SHOC1: variants seen among roughly 807,000 people sequenced by gnomAD.
SHOC1 encodes the protein protein shortage in chiasmata 1 ortholog.
A neutral mutation model predicts 179.2 loss-of-function variants in SHOC1; 136 were observed. That is an observed-to-expected ratio of 0.76 (90% CI 0.66 to 0.87). SHOC1 has a LOEUF of 0.87. SHOC1 is among the 40% of genes least tolerant of loss of function. The pLI is 0.00. For synonymous variants in SHOC1, 489 were observed against 586.6 expected (o/e 0.83, Z 2.41); for missense variants, 1,538 against 1,700.8 (o/e 0.90, Z 1.68).
intron 12 of SHOC1, among the ~76,000 whole-genome samples, chr9:111,735,582 A>G (rs751512459): frequency 1.2e-4 from 19 of 152,144 alleles, no homozygotes; most frequent in African/African-American, 1.7e-4. Flanking sequence ...TATCCAGTCT[A>G]TCATTGATGG....
intron 4 of SHOC1, among the ~76,000 whole-genome samples, chr9:111,779,098 C>CAA (rs1186097509): frequency 3.7e-5 from 4 of 109,428 alleles, no homozygotes; most frequent in Non-Finnish European, 3.8e-5. Flanking sequence ...GACTCTGTGT[C>CAA]AAAAAAAAAA....
At chr9:111,767,438 T>G (rs1198349302) in intron 5 of SHOC1, among the ~76,000 whole-genome samples, 1 of 152,210 alleles carries the variant, frequency 6.6e-6, no homozygotes, top group African/African-American at 2.4e-5. Flanking sequence ...CACCATTTAT[T>G]GAAGACTATC....
chr9:111,745,407 A>G (rs1185409959), intron 10 of SHOC1, among the ~76,000 whole-genome samples: 1 of 152,202 alleles, frequency 6.6e-6, no homozygotes, highest in East Asian at 1.9e-4. Context: ...CTAACCACTT[A>G]TTATGGGCTG....
intron 16 of SHOC1, among the ~76,000 whole-genome samples, chr9:111,717,850 A>C (rs1589401688): frequency 1.3e-5 from 2 of 152,326 alleles, no homozygotes; most frequent in East Asian, 3.9e-4. Context: ...ACAAAAATGC[A>C]ATGAGGACCC....
At chr9:111,719,101 C>A (rs1029757385) in intron 15 of SHOC1, among the ~76,000 whole-genome samples, 1 of 152,032 alleles carries the variant, frequency 6.6e-6, no homozygotes, top group African/African-American at 2.4e-5. Context: ...GTATATTCAG[C>A]CCCTAGAAGG....
chr9:111,786,034 T>C lies in SHOC1; in HGVS notation c.47A>G (p.Asn16Ser), dbSNP rs1836248083. Residue 16 changes from asparagine (N) to serine (S), a missense_variant and splice_region_variant, in exon 3 of 28, where the codon AAT (asparagine) becomes AGT (serine). Physicochemically the swap from Asn to Ser is conservative, Grantham distance 46. Coordinates refer to ENST00000682961, the MANE Select transcript of SHOC1 (RefSeq NM_001378211.1). ...TCTGTAAAACTTCTTTCTAACCACA[T>C]TCTGTGGAAGAAAGAAAGATTAGAA... ...KYHAIDYLYE[N>S]VVRKKFYRDA... The C allele has an allele frequency of 2.0e-6, 3 of 1,482,838 alleles. No homozygotes were observed. The African/African-American group carries it at 4.3e-5, about 21-fold the overall frequency. 91.9% of individuals were successfully genotyped at this position (1,482,838 alleles called of 1,614,324 possible).
chr9:111,784,641 C>T (rs377610329), intron 3 of SHOC1, among the ~76,000 whole-genome samples: 2 of 152,146 alleles, frequency 1.3e-5, no homozygotes, highest in South Asian at 4.1e-4. Context: ...CCACAATTGT[C>T]TTAGTCAGTC....
chr9:111,761,759 A>G (rs1334216037), intron 5 of SHOC1, among the ~76,000 whole-genome samples: 1 of 152,178 alleles, frequency 6.6e-6, no homozygotes, highest in Non-Finnish European at 1.5e-5. Context: ...GATGGCCAAT[A>G]AAGACCAGTA....
chr9:111,777,581 C>T (rs315699), intron 4 of SHOC1, among the ~76,000 whole-genome samples: 5,280 of 152,254 alleles, frequency 0.035, 143 homozygotes, highest in South Asian at 0.11. Context: ...CTGAGGACAT[C>T]TTTTTGGCTC....
At chr9:111,724,279 C>G (rs1201367967) in intron 13 of SHOC1, among the ~76,000 whole-genome samples, 8 of 152,100 alleles carry the variant, frequency 5.3e-5, no homozygotes. Flanking sequence ...TCTTCTACTA[C>G]TAACCCTCTC....
At chr9:111,753,221 A>G (rs1199260726) in intron 8 of SHOC1, among the ~76,000 whole-genome samples, 1 of 152,234 alleles carries the variant, frequency 6.6e-6, no homozygotes, top group Non-Finnish European at 1.5e-5. Flanking sequence ...TTCAATGATG[A>G]ATTCCACTAA....
At chr9:111,777,226 G>A (rs951357447) in intron 4 of SHOC1, among the ~76,000 whole-genome samples, 11 of 152,140 alleles carry the variant, frequency 7.2e-5, no homozygotes, top group African/African-American at 2.2e-4. Context: ...ATGTTATCCC[G>A]AGGAACAATT....
chr9:111,712,269 G>T (rs921571982), intron 18 of SHOC1, among the ~76,000 whole-genome samples: 4 of 152,154 alleles, frequency 2.6e-5, no homozygotes, highest in African/African-American at 9.7e-5. Flanking sequence ...AGGACTAGAA[G>T]TGTAAAGAAT....
In SHOC1 at chr9:111,780,970, G is replaced by T; in HGVS notation, c.217C>A (p.Gln73Lys). The T allele has an allele frequency of 6.2e-7, 1 of 1,613,340 alleles. No homozygotes were observed. The highest frequency in any genetic ancestry group is 8.5e-7 in the Non-Finnish European group (1 of 1,179,652). ...PGMTDTSVLD[Q>K]WKASFFVEDF... ...TCCACAAAGAAACTTGCTTTCCATT[G>T]GTCCAAGACTGAGGTATCTGTCATT... Residue 73 changes from glutamine to lysine, a missense_variant, in exon 4 of 28, where the codon CAA becomes AAA. Coordinates refer to ENST00000682961, the MANE Select transcript of SHOC1 (RefSeq NM_001378211.1).
intron 12 of SHOC1, among the ~76,000 whole-genome samples, chr9:111,730,677 G>A (rs1397563261): frequency 6.6e-6 from 1 of 152,232 alleles, no homozygotes; most frequent in Non-Finnish European, 1.5e-5. Context: ...AGCACAGAAA[G>A]TGTAGACTTA....
chr9:111,758,127 T>G lies in SHOC1; in HGVS notation c.665A>C (p.Asn222Thr). Residue 222 changes from asparagine to threonine, a missense_variant, in exon 7 of 28, where the codon AAC becomes ACC. By Grantham distance (65) the Asn-to-Thr change is moderately conservative. Coordinates refer to ENST00000682961, the MANE Select transcript of SHOC1 (RefSeq NM_001378211.1). ...ATCTTCTAGTTTCTCTTGACAAAAGTTCACTTTATCCATACAAAAATCTTC... is the reference window on the plus strand; with the variant it reads ...ATCTTCTAGTTTCTCTTGACAAAAGGTCACTTTATCCATACAAAAATCTTC... ...VKEDFCMDKV[N>T]FCQEKLEDTI... 6.3e-7 allele frequency: 1 copy of G among 1,587,112 alleles called. No homozygotes were observed. The highest frequency in any genetic ancestry group is 8.6e-7 in the Non-Finnish European group (1 of 1,164,402).
intron 5 of SHOC1, among the ~76,000 whole-genome samples, chr9:111,769,546 G>C (rs1835482921): frequency 6.6e-6 from 1 of 152,128 alleles, no homozygotes; most frequent in African/African-American, 2.4e-5. Flanking sequence ...CATGATCACA[G>C]CTCACTGCAG....
chr9:111,709,091 A>C (rs1224481348), intron 18 of SHOC1, among the ~76,000 whole-genome samples: 1 of 152,252 alleles, frequency 6.6e-6, no homozygotes, highest in Non-Finnish European at 1.5e-5. Context: ...CTGTAATCCC[A>C]GCACTTTGGG....
At chr9:111,739,542 A>G (rs1000191927) in intron 11 of SHOC1, among the ~76,000 whole-genome samples, 1 of 152,122 alleles carries the variant, frequency 6.6e-6, no homozygotes, top group Non-Finnish European at 1.5e-5. Flanking sequence ...AGAATTTTAT[A>G]TAAATGGAAT....
Sources: allele counts gnomAD v4.1 joint callset (sites outside exome capture counted in the v4.1 genomes callset), GRCh38; gene constraint gnomAD v4.1.1; transcripts MANE v1.5; gene names NCBI Gene and HGNC (gene_info 2026-07-23, HGNC 2026-07-21).